Variants in KLRG2 observed in about 807,000 individuals in gnomAD.
KLRG2 encodes killer cell lectin like receptor G2, also known as killer cell lectin-like receptor subfamily G member 2.
KLRG2 carries 39 observed loss-of-function variants against 35.4 expected under a neutral mutation model. The ratio of observed to expected loss-of-function variants is 1.10; its 90% CI spans 0.85 to 1.44. KLRG2 has a LOEUF of 1.44. Ranked by LOEUF, KLRG2 falls within the 40% of genes most tolerant of loss-of-function variation. The probability of loss-of-function intolerance (pLI) is 0.00; values close to 1 mark genes in which losing one functional copy is unlikely to be tolerated. For missense variants in KLRG2, 632 were observed against 570.9 expected (o/e 1.11, Z -1.09); for synonymous variants, 283 against 265.8 (o/e 1.06, Z -0.63).
chr7:139,447,952 G>A (rs897247970), downstream of KLRG2, among the ~76,000 whole-genome samples: 8 of 152,034 alleles, frequency 5.3e-5, no homozygotes, highest in Admixed American at 2.0e-4. Context: ...AACACTCTAC[G>A]AGTGCTAATG....
chr7:139,457,242 T>C (rs1451766016), intron 3 of KLRG2, among the ~76,000 whole-genome samples: 1 of 152,050 alleles, frequency 6.6e-6, no homozygotes, highest in Non-Finnish European at 1.5e-5. Flanking sequence ...GCAGGGAAAC[T>C]TGGAGAGGAT....
downstream of KLRG2, among the ~76,000 whole-genome samples, chr7:139,448,999 C>CG (rs1411515402): frequency 6.6e-6 from 1 of 150,658 alleles, no homozygotes; most frequent in Non-Finnish European, 1.5e-5. Flanking sequence ...CCCAGCTACT[C>CG]GGGGGGCTGA....
At chr7:139,439,415 A>G in the KLRG2 span, among the ~76,000 whole-genome samples, 4 of 152,258 alleles carry the variant, frequency 2.6e-5, no homozygotes, top group South Asian at 8.3e-4. Context: ...TCAAGGGGAA[A>G]CAGTTCAGGT....
chr7:139,470,607 CAT>C (rs1796738967), intron 3 of KLRG2, among the ~76,000 whole-genome samples: 1 of 152,074 alleles, frequency 6.6e-6, no homozygotes, highest in Admixed American at 6.6e-5. Context: ...GCCTGGGCAA[CAT>C]AGTAAGATTT....
the KLRG2 span, among the ~76,000 whole-genome samples, chr7:139,446,041 G>A: frequency 6.6e-6 from 1 of 150,994 alleles, no homozygotes; most frequent in African/African-American, 2.5e-5. Context: ...ATGTTAGCCA[G>A]GCTGTTAGCC....
In KLRG2 at chr7:139,482,945, A is replaced by G; in HGVS notation, c.698T>C (p.Leu233Pro). The part of the protein sequence containing the change: ...ELGLEKEDAA[L>P]LPRAGLDGDE... ...GCCGTCCAACCCCGCGCGGGGCAAC[A>G]GCGCCGCATCCTCCTTCTCCAGCCC... Residue 233 changes from leucine to proline, a missense_variant, in exon 1 of 5, where the codon CTG becomes CCG. By Grantham distance (98) the Leu-to-Pro change is moderately conservative. Coordinates refer to ENST00000340940, the MANE Select transcript of KLRG2 (RefSeq NM_198508.4). The G allele has an allele frequency of 1.3e-6, 2 of 1,483,846 alleles. No individual in the cohort carries two copies. 91.9% of individuals were successfully genotyped at this position (1,483,846 alleles called of 1,614,324 possible). A position where few individuals can be genotyped will look rare whatever the true frequency, so the allele number is the denominator to read the frequency against.
chr7:139,478,515 C>T (rs919742915), intron 3 of KLRG2, among the ~76,000 whole-genome samples: 3 of 151,652 alleles, frequency 2.0e-5, no homozygotes. Context: ...ACTAAAAATA[C>T]AAAAATTAGC....
chr7:139,436,022 C>T, the KLRG2 span, among the ~76,000 whole-genome samples: 1 of 152,048 alleles, frequency 6.6e-6, no homozygotes, highest in Non-Finnish European at 1.5e-5. Flanking sequence ...CTGTCTCAGC[C>T]TCCCAAGTAG....
intron 3 of KLRG2, among the ~76,000 whole-genome samples, chr7:139,477,067 C>G (rs897381379): frequency 2.6e-5 from 4 of 152,134 alleles, no homozygotes; most frequent in Non-Finnish European, 4.4e-5. Flanking sequence ...CATACCAGAA[C>G]AGCGAATATA....
downstream of KLRG2, among the ~76,000 whole-genome samples, chr7:139,451,926 G>A (rs1302385144): frequency 6.6e-6 from 1 of 150,906 alleles, no homozygotes; most frequent in African/African-American, 2.4e-5. Flanking sequence ...TGCCCCACGT[G>A]AGCCACCCAT....
intron 3 of KLRG2, among the ~76,000 whole-genome samples, chr7:139,469,946 G>A (rs962727502): frequency 6.6e-6 from 1 of 152,176 alleles, no homozygotes; most frequent in Non-Finnish European, 1.5e-5. Flanking sequence ...GTGCCTAAGA[G>A]CATAAGGATA....
chr7:139,480,655 CA>C (rs1370194147), intron 1 of KLRG2, among the ~76,000 whole-genome samples: 2 of 150,550 alleles, frequency 1.3e-5, no homozygotes. Context: ...CCATGTTGGC[CA>C]GGTTGGTCTT....
chr7:139,445,806 T>TATATATATAG, the KLRG2 span, among the ~76,000 whole-genome samples: 1 of 141,666 alleles, frequency 7.1e-6, no homozygotes, highest in African/African-American at 3.0e-5. Context: ...TGTATATATA[T>TATATATATAG]ATGACGGAGT....
At chr7:139,427,333 G>C in the KLRG2 span, among the ~76,000 whole-genome samples, 1 of 152,154 alleles carries the variant, frequency 6.6e-6, no homozygotes, top group Admixed American at 6.6e-5. Context: ...TTTGGGGTCT[G>C]CAGGCATATC....
intron 3 of KLRG2, among the ~76,000 whole-genome samples, chr7:139,459,596 C>A (rs1796535194): frequency 1.3e-5 from 2 of 152,206 alleles, no homozygotes; most frequent in African/African-American, 4.8e-5. Flanking sequence ...AGGCGCTGAG[C>A]AGAAACTGAT....
chr7:139,454,822 TAATAATAATAA>T (rs1267621297), intron 3 of KLRG2, among the ~76,000 whole-genome samples: 4 of 32,832 alleles, frequency 1.2e-4, no homozygotes, highest in African/African-American at 6.6e-4. Flanking sequence ...TATCTCAAAA[TAATAATAATAA>T]TAATAATAAT....
At chr7:139,467,803 G>A (rs1304534750) in intron 3 of KLRG2, among the ~76,000 whole-genome samples, 5 of 148,878 alleles carry the variant, frequency 3.4e-5, no homozygotes, top group African/African-American at 1.0e-4. Context: ...AGACCTGACC[G>A]TCCCCCAGCC....
rs754184625 is a variant in KLRG2, at chr7:139,483,180, C to G, written c.463G>C (p.Val155Leu). The G allele has an allele frequency of 6.6e-7, 1 of 1,507,138 alleles. No individual in the cohort carries two copies. Among genetic ancestry groups the G allele is most frequent in the Non-Finnish European group, 8.8e-7 (1 of 1,135,730 alleles). The allele number at this position is 1,507,138 out of a possible 1,614,324, so 93.4% of individuals were successfully genotyped here. A position where few individuals can be genotyped will look rare whatever the true frequency, so the allele number is the denominator to read the frequency against. The change falls in exon 1 of 5, where the codon GTG becomes CTG. Residue 155 changes from valine (V) to leucine (L), a missense_variant. Transcript: ENST00000340940. ...CGGGAGAAGGCAGGGGACTCGGGCA[C>G]CGGCACCTTGAGGAAGCGCGTGGAG... Reference protein sequence around the residue: ...RPSTRFLKVPVPESPAFSRHA... With the variant: ...RPSTRFLKVPLPESPAFSRHA...
intron 3 of KLRG2, among the ~76,000 whole-genome samples, chr7:139,455,922 T>C (rs1205618944): frequency 1.3e-5 from 2 of 152,132 alleles, no homozygotes; most frequent in African/African-American, 4.8e-5. Flanking sequence ...AGGTAAATTA[T>C]AGGATGTCAA....
Sources: gnomAD v4.1 joint callset for allele counts (sites outside exome capture counted in the v4.1 genomes callset) on GRCh38, gnomAD v4.1.1 for gene constraint, MANE v1.5 for transcripts, NCBI Gene and HGNC (gene_info 2026-07-23, HGNC 2026-07-21) for gene names.